DCDC1: variants seen among roughly 807,000 people sequenced by gnomAD.
The protein encoded by DCDC1 is doublecortin domain containing 1.
Under a neutral mutation model 178.3 loss-of-function variants are expected in DCDC1, and 200 were observed. The ratio of observed to expected loss-of-function variants is 1.12; its 90% CI spans 1.00 to 1.26. DCDC1 has a LOEUF of 1.26. Ranked by LOEUF, DCDC1 falls within the 50% of genes most tolerant of loss-of-function variation. The probability of loss-of-function intolerance (pLI) is 0.00; values close to 1 mark genes in which losing one functional copy is unlikely to be tolerated. For missense variants in DCDC1, 1,983 were observed against 1,749.2 expected (o/e 1.13, Z -2.38); for synonymous variants, 690 against 604.8 (o/e 1.14, Z -2.07).
At chr11:31,128,517 A>G (rs1238837902) in intron 10 of DCDC1, among the ~76,000 whole-genome samples, 1 of 152,184 alleles carries the variant, frequency 6.6e-6, no homozygotes, top group Non-Finnish European at 1.5e-5. Context: ...ACACTGGTTG[A>G]TATTATGGTA....
In DCDC1 at chr11:30,917,032, T is replaced by C. The variant is rs746411234; in HGVS notation, c.3294-4A>G. ...ATGAGCTCTTACGTGTGAATCTCTATCAAGGTTCAGAAGCAAACATAAGTC... is the reference window on the plus strand; with the variant it reads ...ATGAGCTCTTACGTGTGAATCTCTACCAAGGTTCAGAAGCAAACATAAGTC... On this transcript the variant is annotated splice_region_variant and splice_polypyrimidine_tract_variant and intron_variant, in intron 25 of 38. Transcript: ENST00000684477. 45 of 1,590,014 alleles carry C rather than the reference T, an allele frequency of 2.8e-5. No individual in the cohort carries two copies. The highest frequency in any genetic ancestry group is 3.7e-5 in the Non-Finnish European group (43 of 1,171,578).
At chr11:31,200,288 A>G (rs1971136642) in intron 9 of DCDC1, among the ~76,000 whole-genome samples, 1 of 152,142 alleles carries the variant, frequency 6.6e-6, no homozygotes, top group African/African-American at 2.4e-5. Context: ...AATTTTACAC[A>G]TCAGAAGATA....
intron 18 of DCDC1, among the ~76,000 whole-genome samples, chr11:31,066,437 T>C (rs1590930865): frequency 1.3e-5 from 2 of 152,312 alleles, no homozygotes; most frequent in East Asian, 3.9e-4. Context: ...TCAATTATAA[T>C]ATAAACTCCT....
chr11:31,093,304 A>G (rs1460429139), intron 16 of DCDC1, among the ~76,000 whole-genome samples: 1 of 152,212 alleles, frequency 6.6e-6, no homozygotes, highest in African/African-American at 2.4e-5. Flanking sequence ...ATTTGCGAAA[A>G]TAGTGTCAAT....
rs1459774574 is a variant in DCDC1 at position 31,127,464 on chromosome 11, C to T, written c.1485+5G>A. 1.9e-5 allele frequency: 13 copies of T among 701,604 alleles called. No homozygotes were observed. Among genetic ancestry groups the T allele is most frequent in the Non-Finnish European group, 3.4e-5 (13 of 384,238 alleles). The allele number at this position is 701,604 out of a possible 1,614,324, so 43.5% of individuals were successfully genotyped here. A position where few individuals can be genotyped will look rare whatever the true frequency, so the allele number is the denominator to read the frequency against. On this transcript the variant is annotated splice_donor_5th_base_variant and intron_variant, in intron 11 of 38. Transcript: ENST00000684477. ...ATCCAATGAGAGGCACAGAACGACA[C>T]CCACCTTAAGCTGCAGGCCTCCTGG...
chr11:30,944,401 A>G (rs995143147), intron 21 of DCDC1: 16 of 453,424 alleles, frequency 3.5e-5, no homozygotes, highest in Non-Finnish European at 6.6e-5. Context: ...AATCCGGTAT[A>G]AAATTATTAT....
At chr11:31,174,831 G>T (rs1341195028) in intron 9 of DCDC1, among the ~76,000 whole-genome samples, 1 of 152,154 alleles carries the variant, frequency 6.6e-6, no homozygotes, top group Non-Finnish European at 1.5e-5. Flanking sequence ...GCTGTGGAGA[G>T]GAGCTACCAC....
chr11:31,064,746 A>G (rs1026566862), intron 19 of DCDC1, 120 bp from the exon 20 acceptor site: 7 of 626,414 alleles, frequency 1.1e-5, no homozygotes, highest in South Asian at 3.9e-5. Context: ...TCTACAACAC[A>G]TAAGTCCTTT....
intron 6 of DCDC1, among the ~76,000 whole-genome samples, chr11:31,292,931 C>T (rs1947341879): frequency 6.6e-6 from 1 of 151,814 alleles, no homozygotes; most frequent in East Asian, 1.9e-4. Context: ...ATCTGGATGC[C>T]CCTAGATGCT....
chr11:30,887,739 G>A (rs1383926000), intron 36 of DCDC1, among the ~76,000 whole-genome samples: 3 of 152,110 alleles, frequency 2.0e-5, no homozygotes, highest in Admixed American at 6.5e-5. Context: ...GCCAGGTGTG[G>A]TGGCTCATAC....
intron 20 of DCDC1, among the ~76,000 whole-genome samples, chr11:30,999,834 A>G (rs1951473321): frequency 6.6e-6 from 1 of 152,194 alleles, no homozygotes; most frequent in African/African-American, 2.4e-5. Flanking sequence ...AAAATAAAAT[A>G]TTTGTTGGCA....
chr11:31,205,675 G>GT (rs1346428858), intron 9 of DCDC1, among the ~76,000 whole-genome samples: 19 of 152,044 alleles, frequency 1.2e-4, no homozygotes, highest in African/African-American at 4.6e-4. Context: ...TTATGCATAG[G>GT]TATTTCCAAT....
At chr11:30,972,703 C>T (rs538862356) in intron 20 of DCDC1, among the ~76,000 whole-genome samples, 5 of 152,162 alleles carry the variant, frequency 3.3e-5, no homozygotes, top group Non-Finnish European at 7.4e-5. Flanking sequence ...GTCCTCACAT[C>T]ATAACATAAC....
intron 1 of DCDC1, among the ~76,000 whole-genome samples, chr11:31,353,028 C>A (rs1432994460): frequency 6.6e-6 from 1 of 152,198 alleles, no homozygotes; most frequent in Non-Finnish European, 1.5e-5. Flanking sequence ...CAAGTGTGCA[C>A]AAACACACAC....
chr11:31,099,170 G>A (rs1450937357), intron 15 of DCDC1, among the ~76,000 whole-genome samples: 2 of 152,120 alleles, frequency 1.3e-5, no homozygotes, highest in Non-Finnish European at 2.9e-5. Flanking sequence ...TTAGGTTTGA[G>A]TTGGTCTCTG....
At chr11:31,211,007 A>C (rs9919661) in intron 9 of DCDC1, among the ~76,000 whole-genome samples, 39,894 of 151,870 alleles carry the variant, frequency 0.26, 5,355 homozygotes, top group African/African-American at 0.32. Context: ...ATTCTGAAGA[A>C]GGCTATTTTG....
chr11:31,282,955 C>T (rs966985154), intron 7 of DCDC1, among the ~76,000 whole-genome samples: 2 of 152,104 alleles, frequency 1.3e-5, no homozygotes, highest in African/African-American at 4.8e-5. Context: ...AGCTTTTATT[C>T]TTACATATGT....
At chr11:31,161,311 G>C (rs1021373738) in intron 9 of DCDC1, among the ~76,000 whole-genome samples, 19 of 152,138 alleles carry the variant, frequency 1.2e-4, no homozygotes, top group Admixed American at 1.2e-3. Flanking sequence ...CAGCAGGGAG[G>C]AAAGTGCTTC....
At chr11:31,112,514 G>T (rs1959196187) in intron 11 of DCDC1, among the ~76,000 whole-genome samples, 1 of 152,084 alleles carries the variant, frequency 6.6e-6, no homozygotes, top group Non-Finnish European at 1.5e-5. Flanking sequence ...CCTCCCTATA[G>T]CTCTAAAATT....
Sources: gnomAD v4.1 joint callset for allele counts (sites outside exome capture counted in the v4.1 genomes callset) on GRCh38, gnomAD v4.1.1 for gene constraint, MANE v1.5 for transcripts, NCBI Gene and HGNC (gene_info 2026-07-23, HGNC 2026-07-21) for gene names.